The following NELL1 variants were observed in gnomAD, a reference collection of about 807,000 sequenced individuals.
NELL1 encodes protein kinase C-binding protein NELL1.
Under a neutral mutation model 107.4 loss-of-function variants are expected in NELL1, and 76 were observed. The observed-to-expected ratio is 0.71, with a 90% CI of 0.59 to 0.86. The LOEUF (loss-of-function observed/expected upper bound fraction) is 0.86. Ranked by LOEUF, NELL1 falls within the 40% of genes least tolerant of loss-of-function variation. The pLI is 0.00. For missense variants in NELL1, 1,024 were observed against 1,005.5 expected (o/e 1.02, Z -0.25); for synonymous variants, 353 against 341.2 (o/e 1.03, Z -0.38).
chr11:21,096,404 A>G (rs1028296185), intron 12 of NELL1, among the ~76,000 whole-genome samples: 2 of 152,088 alleles, frequency 1.3e-5, no homozygotes, highest in Admixed American at 1.3e-4. Flanking sequence ...TGGAGGTTGT[A>G]TTTTCTCCCA....
intron 15 of NELL1, among the ~76,000 whole-genome samples, chr11:21,493,953 G>C (rs1854905325): frequency 6.6e-6 from 1 of 151,782 alleles, no homozygotes; most frequent in South Asian, 2.1e-4. Context: ...TTATTAATAG[G>C]CATTCACTTT....
intron 14 of NELL1, among the ~76,000 whole-genome samples, chr11:21,359,478 T>C (rs1007466261): frequency 4.6e-5 from 7 of 152,186 alleles, no homozygotes; most frequent in Non-Finnish European, 8.8e-5. Context: ...TTTTGTTATG[T>C]CCTTTACTGG....
chr11:21,508,721 T>A (rs1264602225), intron 15 of NELL1, among the ~76,000 whole-genome samples: 1 of 152,050 alleles, frequency 6.6e-6, no homozygotes, highest in Non-Finnish European at 1.5e-5. Flanking sequence ...ATTCCTTATG[T>A]TTAATGATAT....
chr11:21,392,503 T>A (rs770769677), intron 15 of NELL1, among the ~76,000 whole-genome samples: 1 of 151,822 alleles, frequency 6.6e-6, no homozygotes, highest in Non-Finnish European at 1.5e-5. Flanking sequence ...AGGGTTTATA[T>A]CCTTTATAAT....
At chr11:21,555,329 G>A (rs1360711912) in intron 16 of NELL1, among the ~76,000 whole-genome samples, 1 of 151,872 alleles carries the variant, frequency 6.6e-6, no homozygotes, top group Non-Finnish European at 1.5e-5. Flanking sequence ...AAGCAAGGGT[G>A]ATGATTTTGC....
intron 15 of NELL1, among the ~76,000 whole-genome samples, chr11:21,421,533 C>A (rs553362815): frequency 6.6e-6 from 1 of 152,068 alleles, no homozygotes; most frequent in Non-Finnish European, 1.5e-5. Flanking sequence ...TCTGATTTTG[C>A]AGGTAGAGAT....
rs537188417 is a variant in NELL1, at chr11:21,401,481, A to G, written c.1645+30533A>G. On this transcript the variant is annotated intron_variant, in intron 15 of 19. Coordinates refer to ENST00000357134, the MANE Select transcript of NELL1 (RefSeq NM_006157.5). ...GCATTTGGTATTTGTCCTGCATCCT[A>G]CTAACATCAGCAATTTAGTTAAGTT... Among the ~76,000 whole-genome samples the G allele has an allele frequency of 1.6e-4, 25 of 151,942 alleles. No homozygotes were observed. In the South Asian group the frequency reaches 4.1e-3, roughly 25 times the overall value.
At chr11:21,184,393 T>C (rs1856890230) in intron 13 of NELL1, among the ~76,000 whole-genome samples, 1 of 151,686 alleles carries the variant, frequency 6.6e-6, no homozygotes, top group Middle Eastern at 3.2e-3. Context: ...CTCAACCTCC[T>C]GAGTAGCTGA....
intron 1 of NELL1, among the ~76,000 whole-genome samples, chr11:20,673,707 G>A (rs1853977470): frequency 6.6e-6 from 1 of 152,182 alleles, no homozygotes. Flanking sequence ...TTCCCCAGGA[G>A]CTTTTCATCT....
chr11:21,052,763 C>G (rs923526303), intron 12 of NELL1, among the ~76,000 whole-genome samples: 1 of 152,096 alleles, frequency 6.6e-6, no homozygotes, highest in East Asian at 1.9e-4. Context: ...CAATCCACTT[C>G]AGAGGGGATA....
chr11:21,528,946 T>A (rs1268042799), intron 15 of NELL1, among the ~76,000 whole-genome samples: 2 of 152,142 alleles, frequency 1.3e-5, no homozygotes, highest in Admixed American at 1.3e-4. Context: ...TATTTTTAGA[T>A]ATTGCATCAG....
intron 14 of NELL1, among the ~76,000 whole-genome samples, chr11:21,296,201 G>A (rs1849372222): frequency 6.6e-6 from 1 of 151,682 alleles, no homozygotes; most frequent in African/African-American, 2.4e-5. Flanking sequence ...TCCCAGTTCT[G>A]TTATTTTGAA....
chr11:21,106,705 G>A (rs141981410), intron 12 of NELL1, among the ~76,000 whole-genome samples: 2 of 152,206 alleles, frequency 1.3e-5, no homozygotes, highest in African/African-American at 4.8e-5. Flanking sequence ...GACATGGTTT[G>A]CATATATATT....
At chr11:21,511,728 C>A (rs1855441240) in intron 15 of NELL1, among the ~76,000 whole-genome samples, 1 of 152,050 alleles carries the variant, frequency 6.6e-6, no homozygotes, top group South Asian at 2.1e-4. Flanking sequence ...CATGCAAAGG[C>A]TCCAACACAG....
intron 4 of NELL1, among the ~76,000 whole-genome samples, chr11:20,872,369 T>A (rs1281935718): frequency 6.6e-6 from 1 of 151,826 alleles, no homozygotes; most frequent in Admixed American, 6.6e-5. Flanking sequence ...CTTGTAGAGA[T>A]GATGTTTTGC....
intron 15 of NELL1, among the ~76,000 whole-genome samples, chr11:21,478,153 G>A (rs1385346724): frequency 6.6e-6 from 1 of 152,164 alleles, no homozygotes; most frequent in Non-Finnish European, 1.5e-5. Context: ...GCAGGAGAAA[G>A]AGTGCAGGGA....
chr11:20,894,296 T>A (rs1232510423), intron 5 of NELL1, among the ~76,000 whole-genome samples: 4 of 152,152 alleles, frequency 2.6e-5, no homozygotes, highest in Non-Finnish European at 5.9e-5. Context: ...TATTAAAATT[T>A]GGAACTTTTC....
At chr11:21,573,123 A>C (rs911560332) in intron 18 of NELL1, 62 bp from the exon 19 acceptor site, 1 of 1,270,088 alleles carries the variant, frequency 7.9e-7, no homozygotes, top group African/African-American at 1.5e-5. Flanking sequence ...CCCTTCTATG[A>C]CTTTGGGAAT....
chr11:21,550,401 C>A (rs4548617), intron 16 of NELL1, among the ~76,000 whole-genome samples: 134,524 of 151,872 alleles, frequency 0.89, 59,962 homozygotes, highest in Non-Finnish European at 0.94. Flanking sequence ...TGTTTTAGAC[C>A]TGAAGTCCTT....
Sources: gnomAD v4.1 joint callset for allele counts (sites outside exome capture counted in the v4.1 genomes callset) on GRCh38, gnomAD v4.1.1 for gene constraint, MANE v1.5 for transcripts, NCBI Gene and HGNC (gene_info 2026-07-23, HGNC 2026-07-21) for gene names.